Variants in RUNX1 observed in about 807,000 individuals in gnomAD.
The protein encoded by RUNX1 is runt-related transcription factor 1.
In RUNX1, 19 loss-of-function variants were observed where a neutral mutation model predicts 42.8. The observed-to-expected ratio is 0.44, with a 90% CI of 0.31 to 0.65. RUNX1 has a LOEUF of 0.65. Among genes scored for constraint, RUNX1 ranks in the 30% least tolerant of loss-of-function variants. The probability of loss-of-function intolerance (pLI) is 0.07; values close to 1 mark genes in which losing one functional copy is unlikely to be tolerated. For missense variants in RUNX1, 528 were observed against 672.0 expected (o/e 0.79, Z 2.37); for synonymous variants, 271 against 289.4 (o/e 0.94, Z 0.64).
chr21:35,032,939 G>C (rs985346692), intron 2 of RUNX1, among the ~76,000 whole-genome samples: 1 of 152,180 alleles, frequency 6.6e-6, no homozygotes, highest in African/African-American at 2.4e-5. Context: ...GACTGGTGAA[G>C]CTCCCTCCAT....
At chr21:34,973,601 C>A (rs2058778318) in intron 2 of RUNX1, among the ~76,000 whole-genome samples, 1 of 152,084 alleles carries the variant, frequency 6.6e-6, no homozygotes, top group African/African-American at 2.4e-5. Context: ...CATTACAATC[C>A]TCCTATAAAT....
At chr21:34,853,134 C>G (rs1043501965) in intron 6 of RUNX1, among the ~76,000 whole-genome samples, 2 of 152,152 alleles carry the variant, frequency 1.3e-5, no homozygotes, top group Non-Finnish European at 2.9e-5. Context: ...TTGTACAACA[C>G]CCCGGGGTCA....
chr21:35,007,771 T>C (rs1171232263), intron 2 of RUNX1, among the ~76,000 whole-genome samples: 1 of 152,032 alleles, frequency 6.6e-6, no homozygotes, highest in Non-Finnish European at 1.5e-5. Flanking sequence ...ATTTACTGTT[T>C]CAACATCCTC....
intron 2 of RUNX1, among the ~76,000 whole-genome samples, chr21:34,932,879 C>T (rs931119785): frequency 2.4e-4 from 37 of 152,224 alleles, no homozygotes; most frequent in African/African-American, 8.9e-4. Flanking sequence ...CCATTTCTCT[C>T]ATCCATGATT....
chr21:34,937,298 T>C (rs2058493035), intron 2 of RUNX1, among the ~76,000 whole-genome samples: 2 of 146,992 alleles, frequency 1.4e-5, no homozygotes, highest in South Asian at 4.5e-4. Context: ...GAACATGCCA[T>C]TGTAACATTG....
At position 34,926,330 on chromosome 21, in the gene RUNX1, G is replaced by A. The variant is rs114690160; in HGVS notation, c.59-33367C>T. On this transcript the variant is annotated intron_variant, in intron 2 of 8. Transcript: ENST00000675419. ...TCTCTACAAAAAAATACAAAAATTA[G>A]CCCAAGTGGTCGCACATGCCTGTCA... Among the ~76,000 whole-genome samples the A allele has an allele frequency of 4.5e-3, 687 of 151,210 alleles. 4 individuals carry two copies. The highest frequency in any genetic ancestry group is 0.016 in the African/African-American group (652 of 41,240).
intron 2 of RUNX1, among the ~76,000 whole-genome samples, chr21:34,956,845 C>T (rs917503111): frequency 6.6e-6 from 1 of 152,172 alleles, no homozygotes; most frequent in Non-Finnish European, 1.5e-5. Flanking sequence ...AGATCTCAGT[C>T]CTCAAAGCTT....
intron 2 of RUNX1, among the ~76,000 whole-genome samples, chr21:34,994,663 C>T (rs570135990): frequency 9.2e-5 from 14 of 151,564 alleles, no homozygotes; most frequent in South Asian, 6.3e-4. Flanking sequence ...ACTACGTACC[C>T]GTAAAAATTG....
chr21:34,874,795 T>C (rs1169788765), intron 5 of RUNX1, among the ~76,000 whole-genome samples: 1 of 152,126 alleles, frequency 6.6e-6, no homozygotes, highest in Non-Finnish European at 1.5e-5. Flanking sequence ...AACTGATTTA[T>C]TAGAACCAGA....
At chr21:34,915,804 A>G (rs1221483761) in intron 2 of RUNX1, among the ~76,000 whole-genome samples, 1 of 152,208 alleles carries the variant, frequency 6.6e-6, no homozygotes, top group African/African-American at 2.4e-5. Context: ...TTGCTGAGAT[A>G]GAGAACAAAA....
chr21:34,980,549 G>A (rs770894971), intron 2 of RUNX1, among the ~76,000 whole-genome samples: 1 of 152,190 alleles, frequency 6.6e-6, no homozygotes, highest in Non-Finnish European at 1.5e-5. Flanking sequence ...TGAACAAAGA[G>A]ACACGAATTA....
At chr21:35,037,799 A>G (rs531128427) in intron 2 of RUNX1, among the ~76,000 whole-genome samples, 1 of 152,376 alleles carries the variant, frequency 6.6e-6, no homozygotes, top group African/African-American at 2.4e-5. Context: ...TGCCTTGCGC[A>G]TAGCATATGC....
intron 5 of RUNX1, among the ~76,000 whole-genome samples, chr21:34,872,680 C>T (rs1569073053): frequency 1.3e-5 from 2 of 152,122 alleles, no homozygotes; most frequent in African/African-American, 2.4e-5. Context: ...AGGGCGAGAT[C>T]ACGCATGACT....
In RUNX1 at chr21:34,789,769, C is replaced by T. The variant is rs886057039; in HGVS notation, c.*2366G>A. The T allele has an allele frequency of 9.0e-5, 21 of 233,170 alleles. No homozygotes were observed. Among genetic ancestry groups the T allele is most frequent in the Non-Finnish European group, 1.7e-4 (20 of 118,072 alleles). 14.4% of individuals were successfully genotyped at this position (233,170 alleles called of 1,614,324 possible). On this transcript the variant is annotated 3_prime_UTR_variant, in exon 9 of 9. Transcript: ENST00000675419. ...ACAATAGTGACAAGCCCCCTCCACA[C>T]ATGGCTTTGAGAGTAAAGGTTCAAT...
At chr21:35,046,053 G>A (rs961217466) in intron 2 of RUNX1, among the ~76,000 whole-genome samples, 1 of 152,154 alleles carries the variant, frequency 6.6e-6, no homozygotes, top group East Asian at 1.9e-4. Flanking sequence ...TCTTTCTGCC[G>A]ACACACTGCA....
chr21:34,974,316 A>G (rs1032570711), intron 2 of RUNX1, among the ~76,000 whole-genome samples: 8 of 152,058 alleles, frequency 5.3e-5, no homozygotes, highest in Admixed American at 1.3e-4. Context: ...TATTAGCTGA[A>G]GACTTGCCTG....
At chr21:34,955,976 T>C (rs557269005) in intron 2 of RUNX1, among the ~76,000 whole-genome samples, 2 of 152,324 alleles carry the variant, frequency 1.3e-5, no homozygotes, top group East Asian at 1.9e-4. Context: ...ATCTTTTTTT[T>C]CCTCATGCAT....
At position 34,849,215 on chromosome 21, in the gene RUNX1, T is replaced by C. The variant is rs567560715; in HGVS notation, c.613+10259A>G. 3.3e-3 allele frequency among the ~76,000 whole-genome samples: 409 copies of C among 122,510 alleles called. 3 individuals are homozygous for C. Among genetic ancestry groups the C allele is most frequent in the African/African-American group, 0.012 (396 of 31,838 alleles). 80.4% of individuals were successfully genotyped at this position (122,510 alleles called of 152,430 possible). On this transcript the variant is annotated intron_variant, in intron 6 of 8. Coordinates refer to ENST00000675419, the MANE Select transcript of RUNX1 (RefSeq NM_001754.5). ...GCAGATTGATTCCATTGTGTTACTT[T>C]TTGAAAAGGCAAACAGAAAAGAACT... is the stretch of plus-strand genomic sequence containing the variant.
chr21:34,917,948 G>A (rs1285507219), intron 2 of RUNX1, among the ~76,000 whole-genome samples: 1 of 151,960 alleles, frequency 6.6e-6, no homozygotes, highest in East Asian at 1.9e-4. Context: ...GGCCAACATG[G>A]TGAAACCCTG....
Sources: allele counts gnomAD v4.1 joint callset (sites outside exome capture counted in the v4.1 genomes callset), GRCh38; gene constraint gnomAD v4.1.1; transcripts MANE v1.5; gene names NCBI Gene and HGNC (gene_info 2026-07-23, HGNC 2026-07-21).